Variants in TLN2 observed in about 807,000 individuals in gnomAD.
The protein encoded by TLN2 is talin-2.
A neutral mutation model predicts 294.7 loss-of-function variants in TLN2; 118 were observed. That is an observed-to-expected ratio of 0.40 (90% CI 0.34 to 0.47). The LOEUF (loss-of-function observed/expected upper bound fraction) is 0.47. Ranked by LOEUF, TLN2 falls within the 20% of genes least tolerant of loss-of-function variation. TLN2 has a pLI of 0.84. For missense variants in TLN2, 3,083 were observed against 3,282.2 expected, an observed-to-expected ratio of 0.94 and a Z score of 1.48; for synonymous variants, 1,431 against 1,304.5, an observed-to-expected ratio of 1.10 and a Z score of -2.09.
In TLN2 at chr15:62,763,807, G is replaced by C. The variant is rs1198545185; in HGVS notation, c.5094+112G>C. ...GGGCCAAAATGTTTCTGTTGCTGGA[G>C]TTTCACCATTAGACAGCCATTCTCT... On this transcript the variant is annotated intron_variant, in intron 40 of 58. Coordinates refer to ENST00000636159, the MANE Select transcript of TLN2 (RefSeq NM_015059.3). The C allele has an allele frequency of 1.6e-5, 22 of 1,394,020 alleles. No individual in the cohort carries two copies. The Admixed American group carries it at 1.7e-4, about 11-fold the overall frequency. The allele number at this position is 1,394,020 out of a possible 1,614,324, so 86.4% of individuals were successfully genotyped here.
Position 62,563,998 on chromosome 15 carries a change from A to G in TLN2, c.-237-25689A>G, listed in dbSNP as rs28404788. Among the ~76,000 whole-genome samples the G allele has an allele frequency of 2.8e-4, 42 of 152,264 alleles. No individual in the cohort carries two copies. The East Asian group carries it at 7.1e-3, about 26-fold the overall frequency. ...GCATATAGCCGAGTGCCAGGCATGC[A>G]CTAACTACTAGGTGATCCAGTAAGT... is the stretch of plus-strand genomic sequence containing the variant. On this transcript the variant is annotated intron_variant, in intron 1 of 58. Transcript: ENST00000636159.
intron 28 of TLN2, among the ~76,000 whole-genome samples, chr15:62,736,365 A>G (rs1317279094): frequency 6.6e-6 from 1 of 152,084 alleles, no homozygotes; most frequent in African/African-American, 2.4e-5. Flanking sequence ...AGACGTTAGA[A>G]TGGTGATTAC....
At chr15:62,798,603 C>T (rs550055413) in intron 48 of TLN2, among the ~76,000 whole-genome samples, 1 of 152,118 alleles carries the variant, frequency 6.6e-6, no homozygotes, top group African/African-American at 2.4e-5. Context: ...CGTCAAATGC[C>T]AAGCACTTCA....
At chr15:62,753,351 C>T (rs992411289) in intron 35 of TLN2, among the ~76,000 whole-genome samples, 3 of 152,124 alleles carry the variant, frequency 2.0e-5, no homozygotes, top group Non-Finnish European at 4.4e-5. Flanking sequence ...GTTGGCTGAC[C>T]CAGCAGCTCC....
At chr15:62,456,183 C>G (rs2036471168) in intron 1 of TLN2, among the ~76,000 whole-genome samples, 1 of 152,200 alleles carries the variant, frequency 6.6e-6, no homozygotes, top group Admixed American at 6.5e-5. Context: ...TTCCAAGGGC[C>G]TCTTCACTGG....
intron 3 of TLN2, among the ~76,000 whole-genome samples, chr15:62,631,659 C>CTT (rs546895492): frequency 5.1e-5 from 7 of 138,218 alleles, no homozygotes; most frequent in African/African-American, 1.8e-4. Flanking sequence ...CCTTCTTTTT[C>CTT]TTTCTTTCTC....
intron 12 of TLN2, among the ~76,000 whole-genome samples, chr15:62,692,045 A>G (rs1853485371): frequency 1.3e-5 from 2 of 152,138 alleles, no homozygotes; most frequent in Admixed American, 6.5e-5. Flanking sequence ...TTTAGCGTGT[A>G]GTATTCTGGC....
At chr15:62,693,955 C>CTTTTTT (rs71131123) in intron 13 of TLN2, among the ~76,000 whole-genome samples, 8 of 94,224 alleles carry the variant, frequency 8.5e-5, no homozygotes, top group African/African-American at 2.4e-4. Flanking sequence ...GATTTTCTTT[C>CTTTTTT]TTTTTTTTTT....
chr15:62,545,766 T>G (rs1170693136), intron 1 of TLN2, among the ~76,000 whole-genome samples: 1 of 152,194 alleles, frequency 6.6e-6, no homozygotes, highest in Non-Finnish European at 1.5e-5. Flanking sequence ...CCATCCTGGC[T>G]GAGGTGTAGT....
At chr15:62,452,586 C>G (rs1427391097) in intron 1 of TLN2, among the ~76,000 whole-genome samples, 1 of 152,104 alleles carries the variant, frequency 6.6e-6, no homozygotes, top group African/African-American at 2.4e-5. Flanking sequence ...CTGAAACTGC[C>G]CATTACTGCT....
intron 11 of TLN2, among the ~76,000 whole-genome samples, chr15:62,683,830 G>C (rs550678255): frequency 6.6e-6 from 1 of 152,122 alleles, no homozygotes; most frequent in East Asian, 1.9e-4. Flanking sequence ...TGGTTCGGGG[G>C]TACTGAGACT....
intron 28 of TLN2, among the ~76,000 whole-genome samples, chr15:62,733,542 C>A (rs1284132966): frequency 6.6e-6 from 1 of 152,174 alleles, no homozygotes; most frequent in Non-Finnish European, 1.5e-5. Context: ...TTACACATAA[C>A]CCTTTGTAAA....
At chr15:62,627,102 G>A (rs1426771337) in intron 3 of TLN2, among the ~76,000 whole-genome samples, 1 of 152,172 alleles carries the variant, frequency 6.6e-6, no homozygotes, top group Non-Finnish European at 1.5e-5. Flanking sequence ...TTGCTTGCTT[G>A]TGCTGGCCAC....
intron 23 of TLN2, 96 bp from the exon 24 acceptor site, chr15:62,717,480 C>A: frequency 1.3e-6 from 1 of 789,192 alleles, no homozygotes; most frequent in South Asian, 3.6e-5. Flanking sequence ...TCTTTTAGAG[C>A]CACAAACCTG....
intron 1 of TLN2, among the ~76,000 whole-genome samples, chr15:62,496,856 T>C (rs567107944): frequency 3.3e-5 from 5 of 152,358 alleles, no homozygotes; most frequent in Non-Finnish European, 7.3e-5. Context: ...CATTTAAATA[T>C]ACTTAATTTG....
At chr15:62,519,250 T>C (rs1056662522) in intron 1 of TLN2, among the ~76,000 whole-genome samples, 3 of 152,184 alleles carry the variant, frequency 2.0e-5, no homozygotes, top group African/African-American at 7.2e-5. Context: ...TCCCCAGCAA[T>C]TGAAGTTGGC....
At chr15:62,783,284 G>T (rs1049879317) in intron 44 of TLN2, among the ~76,000 whole-genome samples, 3 of 152,202 alleles carry the variant, frequency 2.0e-5, no homozygotes, top group Non-Finnish European at 4.4e-5. Context: ...CTCTCACCTG[G>T]GTGGGACCTG....
At chr15:62,533,502 A>G (rs550691459) in intron 1 of TLN2, among the ~76,000 whole-genome samples, 2 of 152,254 alleles carry the variant, frequency 1.3e-5, no homozygotes, top group East Asian at 3.9e-4. Context: ...GACTCCAAGG[A>G]TCATTATAAA....
chr15:62,418,526 T>G (rs1158920885), intron 1 of TLN2, among the ~76,000 whole-genome samples: 1 of 152,212 alleles, frequency 6.6e-6, no homozygotes, highest in Non-Finnish European at 1.5e-5. Flanking sequence ...TTATTCAAAT[T>G]TAAAACTAGT....
Sources: gnomAD v4.1 joint callset for allele counts (sites outside exome capture counted in the v4.1 genomes callset) on GRCh38, gnomAD v4.1.1 for gene constraint, MANE v1.5 for transcripts, NCBI Gene and HGNC (gene_info 2026-07-23, HGNC 2026-07-21) for gene names.